Variants in NCAM2 observed in about 807,000 individuals in gnomAD.
NCAM2 encodes the protein neural cell adhesion molecule 2.
Under a neutral mutation model 98.1 loss-of-function variants are expected in NCAM2, and 30 were observed. That is an observed-to-expected ratio of 0.31 (90% CI 0.23 to 0.41). NCAM2 has a LOEUF of 0.41. Among genes scored for constraint, NCAM2 ranks in the 10% least tolerant of loss-of-function variants. NCAM2 has a pLI of 1.00. For synonymous variants in NCAM2, 368 were observed against 342.4 expected, an observed-to-expected ratio of 1.07 and a Z score of -0.83; for missense variants, 867 against 1,005.8, an observed-to-expected ratio of 0.86 and a Z score of 1.87.
chr21:21,375,715 T>A (rs1312455992), intron 9 of NCAM2, among the ~76,000 whole-genome samples: 1 of 151,786 alleles, frequency 6.6e-6, no homozygotes, highest in African/African-American at 2.4e-5. Flanking sequence ...TTATGATTTT[T>A]TTTAATTTTT....
intron 9 of NCAM2, among the ~76,000 whole-genome samples, chr21:21,395,928 A>G (rs1482243364): frequency 1.3e-5 from 2 of 152,222 alleles, no homozygotes; most frequent in African/African-American, 4.8e-5. Context: ...TAACATGGGA[A>G]AAATCCTCTA....
chr21:21,151,358 C>T (rs756764636), intron 1 of NCAM2, among the ~76,000 whole-genome samples: 2 of 151,996 alleles, frequency 1.3e-5, no homozygotes, highest in Non-Finnish European at 2.9e-5. Context: ...TGGTGTGCTG[C>T]ACCTCATTTA....
intron 12 of NCAM2, among the ~76,000 whole-genome samples, chr21:21,449,457 CTAGAATG>C (rs1426124012): frequency 6.6e-6 from 1 of 151,742 alleles, no homozygotes; most frequent in Non-Finnish European, 1.5e-5. Flanking sequence ...ATGATGTTTG[CTAGAATG>C]TAGCTTTTAA....
intron 1 of NCAM2, among the ~76,000 whole-genome samples, chr21:21,113,580 T>C (rs548818277): frequency 2.0e-4 from 30 of 152,122 alleles, no homozygotes; most frequent in South Asian, 4.2e-4. Context: ...AAAAAAAAGA[T>C]GACTGGGAAA....
intron 5 of NCAM2, among the ~76,000 whole-genome samples, chr21:21,310,125 C>A (rs551156989): frequency 5.1e-4 from 78 of 152,288 alleles, no homozygotes; most frequent in Non-Finnish European, 9.1e-4. Context: ...GTACTAAACT[C>A]AAAGCAATTT....
intron 1 of NCAM2, among the ~76,000 whole-genome samples, chr21:20,998,879 T>G (rs944802810): frequency 2.0e-5 from 3 of 152,082 alleles, no homozygotes; most frequent in African/African-American, 7.2e-5. Context: ...AACCGCTTCT[T>G]CTTCTTCTTT....
rs1168657661 is a variant in NCAM2 at position 20,998,448 on chromosome 21, G to T, written c.-116G>T. 1.0e-6 allele frequency: 1 copy of T among 972,672 alleles called. No individual in the cohort carries two copies. The highest frequency in any genetic ancestry group is 2.7e-5 in the East Asian group (1 of 36,578). The allele number at this position is 972,672 out of a possible 1,614,324, so 60.3% of individuals were successfully genotyped here. A position where few individuals can be genotyped will look rare whatever the true frequency, so the allele number is the denominator to read the frequency against. On this transcript the variant is annotated 5_prime_UTR_variant, in exon 1 of 18. Coordinates refer to ENST00000400546, the MANE Select transcript of NCAM2 (RefSeq NM_004540.5). Reference sequence around the variant, plus strand: ...AGCGCGCGGGCTGCGGGCGGCTGGGGCACCGCGGGAGCGGCGGCGGCGGCT... The same window carrying T: ...AGCGCGCGGGCTGCGGGCGGCTGGGTCACCGCGGGAGCGGCGGCGGCGGCT...
chr21:21,009,084 G>A (rs1256651848), intron 1 of NCAM2, among the ~76,000 whole-genome samples: 2 of 152,146 alleles, frequency 1.3e-5, no homozygotes, highest in African/African-American at 4.8e-5. Context: ...CTTGAATAGA[G>A]AGAATAGAGA....
intron 16 of NCAM2, among the ~76,000 whole-genome samples, chr21:21,516,861 C>A (rs1333915618): frequency 6.6e-6 from 1 of 152,128 alleles, no homozygotes; most frequent in Non-Finnish European, 1.5e-5. Flanking sequence ...TTCTACCATC[C>A]CCTTCCAAGA....
At chr21:21,519,504 T>A (rs576863016) in intron 16 of NCAM2, among the ~76,000 whole-genome samples, 2 of 151,970 alleles carry the variant, frequency 1.3e-5, no homozygotes, top group Non-Finnish European at 2.9e-5. Context: ...CTTCATGATG[T>A]TGTTTGGTTG....
chr21:21,160,025 C>T (rs1325728423), intron 1 of NCAM2, among the ~76,000 whole-genome samples: 7 of 152,058 alleles, frequency 4.6e-5, no homozygotes, highest in Admixed American at 2.0e-4. Context: ...ATGCTCATCG[C>T]GTATTCAAAT....
chr21:21,084,382 C>G (rs935378384), intron 1 of NCAM2, among the ~76,000 whole-genome samples: 3 of 152,176 alleles, frequency 2.0e-5, no homozygotes, highest in Admixed American at 1.3e-4. Flanking sequence ...TGTCAAGATA[C>G]TGAATAGTTA....
At chr21:21,182,233 G>T (rs2068501789) in intron 1 of NCAM2, among the ~76,000 whole-genome samples, 1 of 151,932 alleles carries the variant, frequency 6.6e-6, no homozygotes, top group South Asian at 2.1e-4. Context: ...TTCCCATGTT[G>T]ATTCATGTAG....
chr21:21,335,198 TG>T (rs561304006), intron 6 of NCAM2, among the ~76,000 whole-genome samples: 24 of 152,216 alleles, frequency 1.6e-4, no homozygotes, highest in African/African-American at 3.8e-4. Context: ...GCAAACAAAA[TG>T]TTTTTTTTGC....
intron 1 of NCAM2, among the ~76,000 whole-genome samples, chr21:21,194,880 G>T (rs1347572643): frequency 6.6e-6 from 1 of 152,116 alleles, no homozygotes; most frequent in Admixed American, 6.6e-5. Context: ...TTGCCTAGAA[G>T]TTTGTACCCT....
At chr21:21,280,278 A>G (rs1398395006) in intron 1 of NCAM2, among the ~76,000 whole-genome samples, 1 of 152,126 alleles carries the variant, frequency 6.6e-6, no homozygotes, top group Non-Finnish European at 1.5e-5. Context: ...CACATATAAG[A>G]CCTAATCTCT....
chr21:21,484,907 A>T (rs1274475523), intron 15 of NCAM2, among the ~76,000 whole-genome samples: 1 of 152,156 alleles, frequency 6.6e-6, no homozygotes, highest in African/African-American at 2.4e-5. Flanking sequence ...CCTTTGCTAC[A>T]TCTAATCTTT....
chr21:21,079,159 C>A (rs2065741601), intron 1 of NCAM2, among the ~76,000 whole-genome samples: 1 of 152,130 alleles, frequency 6.6e-6, no homozygotes, highest in South Asian at 2.1e-4. Context: ...ATGTAACAAA[C>A]CTGCATGTTC....
In NCAM2 at chr21:21,477,283, T is replaced by C; in HGVS notation, c.1897-8T>C. The C allele has an allele frequency of 6.4e-7, 1 of 1,565,986 alleles. No homozygotes were observed. The stretch of plus-strand genomic sequence containing the variant: ...TATTTACAAACTGCATTTTTATTGC[T>C]TTCACAGAAAGATAAGGAAGACCAA... On this transcript the variant is annotated splice_polypyrimidine_tract_variant and splice_region_variant and intron_variant, in intron 14 of 17. Coordinates refer to ENST00000400546, the MANE Select transcript of NCAM2 (RefSeq NM_004540.5).
Sources: gnomAD v4.1 joint callset for allele counts (sites outside exome capture counted in the v4.1 genomes callset) on GRCh38, gnomAD v4.1.1 for gene constraint, MANE v1.5 for transcripts, NCBI Gene and HGNC (gene_info 2026-07-23, HGNC 2026-07-21) for gene names.